Variants in EXT1 observed in about 807,000 individuals in gnomAD.
The protein encoded by EXT1 is exostosin glycosyltransferase 1.
Under a neutral mutation model 82.5 loss-of-function variants are expected in EXT1, and 20 were observed. The ratio of observed to expected loss-of-function variants is 0.24; its 90% CI spans 0.17 to 0.35. EXT1 has a LOEUF of 0.35. EXT1 is among the 10% of genes least tolerant of loss of function. The pLI, the probability that EXT1 is intolerant of heterozygous loss-of-function variation, is 1.00. For missense variants in EXT1, 757 were observed against 936.5 expected, an observed-to-expected ratio of 0.81 and a Z score of 2.50; for synonymous variants, 348 against 350.8, an observed-to-expected ratio of 0.99 and a Z score of 0.09.
At chr8:118,083,719 C>T (rs1817371217) in intron 1 of EXT1, among the ~76,000 whole-genome samples, 1 of 152,116 alleles carries the variant, frequency 6.6e-6, no homozygotes, top group Admixed American at 6.5e-5. Flanking sequence ...AGCTATTGGT[C>T]AATGGGTCTC....
intron 1 of EXT1, among the ~76,000 whole-genome samples, chr8:118,054,958 A>G (rs182733157): frequency 7.6e-4 from 113 of 148,726 alleles, no homozygotes; most frequent in African/African-American, 2.7e-3. Context: ...ATGTATATGT[A>G]TATATATATA....
chr8:118,100,213 A>C (rs1167230356), intron 1 of EXT1, among the ~76,000 whole-genome samples: 3 of 152,214 alleles, frequency 2.0e-5, no homozygotes, highest in Non-Finnish European at 4.4e-5. Context: ...GGCATAGAGC[A>C]GGAACAAAGG....
chr8:117,887,261 C>T (rs558283154), intron 1 of EXT1, among the ~76,000 whole-genome samples: 2 of 152,266 alleles, frequency 1.3e-5, no homozygotes, highest in African/African-American at 4.8e-5. Flanking sequence ...TGAGATATTT[C>T]CTTCTCCTTG....
intron 1 of EXT1, among the ~76,000 whole-genome samples, chr8:118,072,975 A>T (rs1388687100): frequency 6.6e-6 from 1 of 152,214 alleles, no homozygotes; most frequent in African/African-American, 2.4e-5. Context: ...GAGCACGATT[A>T]CCAAATTTGA....
At chr8:118,018,335 C>T (rs538561493) in intron 1 of EXT1, among the ~76,000 whole-genome samples, 3 of 151,920 alleles carry the variant, frequency 2.0e-5, no homozygotes, top group East Asian at 1.9e-4. Flanking sequence ...CACATACACA[C>T]GGGAAAAAAC....
At chr8:118,042,507 CTGG>C (rs1184279772) in intron 1 of EXT1, among the ~76,000 whole-genome samples, 1 of 152,104 alleles carries the variant, frequency 6.6e-6, no homozygotes, top group African/African-American at 2.4e-5. Context: ...GTTGGCCAGG[CTGG>C]TCTTGAACTC....
chr8:117,930,755 C>T (rs372441529), intron 1 of EXT1, among the ~76,000 whole-genome samples: 4 of 152,112 alleles, frequency 2.6e-5, no homozygotes, highest in East Asian at 3.9e-4. Flanking sequence ...GCTGCATTCC[C>T]GGAAGGTTAG....
intron 1 of EXT1, among the ~76,000 whole-genome samples, chr8:118,006,899 G>T (rs17431284): frequency 0.13 from 19,063 of 152,160 alleles, 1,216 homozygotes; most frequent in Middle Eastern, 0.24. Context: ...AAATGCAAGC[G>T]TAGGGCTGCC....
chr8:118,020,659 T>C (rs1335090871), intron 1 of EXT1, among the ~76,000 whole-genome samples: 2 of 152,202 alleles, frequency 1.3e-5, no homozygotes, highest in Non-Finnish European at 2.9e-5. Flanking sequence ...TTCAGGACTG[T>C]GCCTGATCGA....
intron 1 of EXT1, among the ~76,000 whole-genome samples, chr8:118,066,901 GT>G (rs35604740): frequency 1.3e-5 from 2 of 152,238 alleles, no homozygotes; most frequent in East Asian, 1.9e-4. Flanking sequence ...GGAAATAAAA[GT>G]TTTTTAAAAA....
chr8:118,073,650 A>AGG lies in EXT1; in HGVS notation c.962+36434_962+36435insCC, dbSNP rs1817144427. 1.6e-5 allele frequency among the ~76,000 whole-genome samples: 2 copies of AGG among 126,500 alleles called. 1 individual carries two copies. The highest frequency in any genetic ancestry group is 5.9e-5 in the African/African-American group (2 of 33,730). The allele number at this position is 126,500 out of a possible 152,430, so 83.0% of individuals were successfully genotyped here. On this transcript the variant is annotated intron_variant, in intron 1 of 10. Transcript: ENST00000378204. ...GAAGAGAAAGAAGAGAAGAGAAGAG[A>AGG]AGAGAAGAGAAGAGAAGAGAAGAGA... is the stretch of plus-strand genomic sequence containing the variant.
chr8:118,096,334 G>A (rs1817610287), intron 1 of EXT1, among the ~76,000 whole-genome samples: 1 of 152,060 alleles, frequency 6.6e-6, no homozygotes, highest in African/African-American at 2.4e-5. Flanking sequence ...GAAAAAGAAA[G>A]AAAAGAGGCC....
intron 1 of EXT1, among the ~76,000 whole-genome samples, chr8:117,983,578 T>C (rs1014751529): frequency 6.6e-6 from 1 of 152,158 alleles, no homozygotes; most frequent in African/African-American, 2.4e-5. Flanking sequence ...CTAAACATCA[T>C]CCAACACTTA....
rs17439693 is a variant in EXT1, at chr8:117,819,781, G to A, written c.1431C>T (p.Pro477=). The change falls in exon 6 of 11, where the codon CCC becomes CCT. Residue 477 remains proline (P), a synonymous_variant. Coordinates refer to ENST00000378204, the MANE Select transcript of EXT1 (RefSeq NM_000127.3). The stretch of plus-strand genomic sequence containing the variant: ...CATGGATGACTGCAGTGAATTTGGA[G>A]GGGGGCTTTAAACCTGAAATAAAAA... ...YYYANLGLKP[P]SKFTAVIHAV... 0.19 allele frequency: 303,597 copies of A among 1,611,950 alleles called. 30,396 individuals carry two copies. Among genetic ancestry groups the A allele is most frequent in the Non-Finnish European group, 0.2 (235,460 of 1,178,688 alleles).
chr8:118,110,174 G>A lies in EXT1; in HGVS notation c.873C>T (p.Asp291=), dbSNP rs372750330. Residue 291 remains aspartate, a synonymous_variant, in exon 1 of 11, where the codon GAC becomes GAT. Transcript: ENST00000378204. ...GCTTGCAGGTGGTGAGGAGCACAACGTCCTCCCCGTTATGGACGTGATATA... is the reference window on the plus strand; with the variant it reads ...GCTTGCAGGTGGTGAGGAGCACAACATCCTCCCCGTTATGGACGTGATATA... ...NALYHVHNGE[D]VVLLTTCKHG... The A allele has an allele frequency of 8.1e-6, 13 of 1,614,028 alleles. No individual in the cohort carries two copies. In the South Asian group the frequency reaches 1.3e-4, roughly 16 times the overall value.
At chr8:117,854,038 A>G (rs779496964) in intron 1 of EXT1, among the ~76,000 whole-genome samples, 1 of 152,262 alleles carries the variant, frequency 6.6e-6, no homozygotes, top group Non-Finnish European at 1.5e-5. Flanking sequence ...GCCCTTCTTC[A>G]AGTACTCACT....
At chr8:118,095,553 T>A (rs145972331) in intron 1 of EXT1, among the ~76,000 whole-genome samples, 1 of 152,204 alleles carries the variant, frequency 6.6e-6, no homozygotes, top group Non-Finnish European at 1.5e-5. Context: ...TAAAGACACA[T>A]GTAGCATATA....
At chr8:118,060,929 A>T (rs1475125017) in intron 1 of EXT1, among the ~76,000 whole-genome samples, 1 of 152,228 alleles carries the variant, frequency 6.6e-6, no homozygotes, top group Non-Finnish European at 1.5e-5. Flanking sequence ...CCCTTTCTTT[A>T]CATCATGAGA....
chr8:117,834,959 C>A (rs1812164355), intron 3 of EXT1, among the ~76,000 whole-genome samples: 1 of 152,138 alleles, frequency 6.6e-6, no homozygotes, highest in Non-Finnish European at 1.5e-5. Flanking sequence ...AGGGGCTGCT[C>A]ATTTAAATAT....
Sources: allele counts gnomAD v4.1 joint callset (sites outside exome capture counted in the v4.1 genomes callset), GRCh38; gene constraint gnomAD v4.1.1; transcripts MANE v1.5; gene names NCBI Gene and HGNC (gene_info 2026-07-23, HGNC 2026-07-21).